Variants in SCAF11 observed in about 807,000 individuals in gnomAD.
SCAF11 encodes SR-related CTD associated factor 11.
In SCAF11, 47 loss-of-function variants were observed where a neutral mutation model predicts 140.5. The ratio of observed to expected loss-of-function variants is 0.33; its 90% CI spans 0.26 to 0.43. The LOEUF (loss-of-function observed/expected upper bound fraction) is 0.43, where lower values mean the gene tolerates loss of function less well. SCAF11 is among the 20% of genes least tolerant of loss of function. SCAF11 has a pLI of 1.00. For synonymous variants in SCAF11, 557 were observed against 579.4 expected (o/e 0.96, Z 0.55); for missense variants, 1,645 against 1,705.1 (o/e 0.96, Z 0.62).
chr12:45,937,862 G>C (rs530964032), intron 6 of SCAF11, among the ~76,000 whole-genome samples: 1 of 152,172 alleles, frequency 6.6e-6, no homozygotes, highest in African/African-American at 2.4e-5. Context: ...TAAATCTCCA[G>C]TCTTTCATTG....
chr12:45,962,038 A>C (rs1555170251), intron 2 of SCAF11, among the ~76,000 whole-genome samples, 181 bp from the exon 3 acceptor site: 1 of 152,128 alleles, frequency 6.6e-6, no homozygotes, highest in Non-Finnish European at 1.5e-5. Context: ...ACTTTCTTAA[A>C]TTTTTTTAAC....
At chr12:45,964,788 TAG>T (rs1281874093) in intron 1 of SCAF11, among the ~76,000 whole-genome samples, 1 of 152,208 alleles carries the variant, frequency 6.6e-6, no homozygotes. Context: ...CAATTTGGAA[TAG>T]AGTTTTCAGA....
rs1592156817 is a variant in SCAF11 at position 45,919,687 on chromosome 12, T to C, written c.*2361A>G. 6.6e-6 allele frequency: 1 copy of C among 152,248 alleles called. No individual in the cohort carries two copies. The highest frequency in any genetic ancestry group is 1.9e-4 in the East Asian group (1 of 5,202). 9.4% of individuals were successfully genotyped at this position (152,248 alleles called of 1,614,324 possible). A position where few individuals can be genotyped will look rare whatever the true frequency, so the allele number is the denominator to read the frequency against. On this transcript the variant is annotated 3_prime_UTR_variant, in exon 15 of 15. Transcript: ENST00000369367. ...TTCAAAATTTTAAAAGTTCGAATTC[T>C]AATCAAGTAGCTATTAATGCAGTCT...
At chr12:45,947,184 C>A (rs1429857502) in intron 5 of SCAF11, among the ~76,000 whole-genome samples, 1 of 152,150 alleles carries the variant, frequency 6.6e-6, no homozygotes, top group Non-Finnish European at 1.5e-5. Flanking sequence ...CTTAAAAATT[C>A]AACTCTTGGA....
chr12:45,945,999 G>T (rs1945414885), intron 5 of SCAF11, among the ~76,000 whole-genome samples: 1 of 152,032 alleles, frequency 6.6e-6, no homozygotes, highest in African/African-American at 2.4e-5. Context: ...CTTCATCTCA[G>T]TCTTTAAACA....
chr12:45,970,894 C>T (rs537565078), intron 1 of SCAF11, among the ~76,000 whole-genome samples: 3 of 152,294 alleles, frequency 2.0e-5, no homozygotes, highest in Non-Finnish European at 4.4e-5. Context: ...AGTGTGGAAG[C>T]GAGTGCCAAA....
In SCAF11 at chr12:45,928,166, G is replaced by T; in HGVS notation, c.1535C>A (p.Ser512Tyr). 1.9e-6 allele frequency: 3 copies of T among 1,613,914 alleles called. No homozygotes were observed. Among genetic ancestry groups the T allele is most frequent in the Non-Finnish European group, 2.5e-6 (3 of 1,179,994 alleles). The change falls in exon 11 of 15, where the codon TCT becomes TAT. Residue 512 changes from serine (S) to tyrosine (Y), a missense_variant. This residue lies in a region of SCAF11 where 1,582 missense variants were observed against 1,609.2 expected (regional missense o/e 0.98). Coordinates refer to ENST00000369367, the MANE Select transcript of SCAF11 (RefSeq NM_004719.3). ...ANVLCLESEI[S>Y]ENILEKGGDP... The stretch of plus-strand genomic sequence containing the variant: ...ACCTCCTTTTTCAAGAATATTTTCA[G>T]AAATCTCACTTTCCAAACACAAAAC...
intron 14 of SCAF11, 57 bp downstream of exon 14, chr12:45,922,406 T>C (rs1328640189): frequency 1.3e-5 from 20 of 1,567,348 alleles, no homozygotes; most frequent in Non-Finnish European, 1.7e-5. Flanking sequence ...CATTCATTTA[T>C]TAAAACAGAG....
Position 45,934,341 on chromosome 12 carries a change from G to A in SCAF11, c.523-56C>T, listed in dbSNP as rs372968920. The A allele has an allele frequency of 3.9e-3, 5,351 of 1,369,898 alleles. 226 individuals are homozygous for A. The South Asian group carries it at 0.063, about 16-fold the overall frequency. The allele number at this position is 1,369,898 out of a possible 1,614,324, so 84.9% of individuals were successfully genotyped here. On this transcript the variant is annotated intron_variant, in intron 7 of 14. Coordinates refer to ENST00000369367, the MANE Select transcript of SCAF11 (RefSeq NM_004719.3). ...GCAAATAAATAACAGGTAAATAATA[G>A]TTATACTTAAATATTTTGATACACC...
chr12:45,949,860 G>A (rs901797213), intron 4 of SCAF11, among the ~76,000 whole-genome samples: 14 of 152,242 alleles, frequency 9.2e-5, no homozygotes, highest in African/African-American at 2.6e-4. Flanking sequence ...CCAAATATAC[G>A]TAGTACTTAA....
chr12:45,987,871 G>C (rs1410414934), intron 1 of SCAF11, among the ~76,000 whole-genome samples: 2 of 152,270 alleles, frequency 1.3e-5, no homozygotes, highest in Admixed American at 1.3e-4. Flanking sequence ...TTTTTAGGAA[G>C]ATATTTTTGA....
intron 6 of SCAF11, among the ~76,000 whole-genome samples, chr12:45,936,135 G>A (rs2136534014): frequency 6.6e-6 from 1 of 151,036 alleles, no homozygotes; most frequent in South Asian, 2.1e-4. Context: ...TACTCTATGT[G>A]TGGTTTTTTT....
chr12:45,972,935 T>TATATAG (rs1255905112), intron 1 of SCAF11, among the ~76,000 whole-genome samples: 3 of 53,274 alleles, frequency 5.6e-5, no homozygotes, highest in African/African-American at 9.2e-5. Flanking sequence ...TATAGATATA[T>TATATAG]ATAGATATAT....
intron 11 of SCAF11, 31 bp from the exon 12 acceptor site, chr12:45,925,105 A>G: frequency 6.5e-7 from 1 of 1,540,568 alleles, no homozygotes. Flanking sequence ...TGTGAAAAAA[A>G]TCATGTTATA....
chr12:45,923,556 G>C (rs1170092103), intron 12 of SCAF11, among the ~76,000 whole-genome samples: 1 of 151,998 alleles, frequency 6.6e-6, no homozygotes, highest in Admixed American at 6.6e-5. Context: ...AAGTTGACAG[G>C]AGAAAAAAGG....
chr12:45,920,973 G>A lies in SCAF11; in HGVS notation c.*1075C>T, dbSNP rs1944694479. The A allele has an allele frequency of 6.6e-6, 1 of 151,936 alleles. No individual in the cohort carries two copies. The highest frequency in any genetic ancestry group is 1.5e-5 in the Non-Finnish European group (1 of 67,916). 9.4% of individuals were successfully genotyped at this position (151,936 alleles called of 1,614,324 possible). A position where few individuals can be genotyped will look rare whatever the true frequency, so the allele number is the denominator to read the frequency against. On this transcript the variant is annotated 3_prime_UTR_variant, in exon 15 of 15. Coordinates refer to ENST00000369367, the MANE Select transcript of SCAF11 (RefSeq NM_004719.3). ...TATGAAAGAACATAATTTCTACAAAGTCAACACTTTTTTTTTTCTTTTTTT... is the reference window on the plus strand; with the variant it reads ...TATGAAAGAACATAATTTCTACAAAATCAACACTTTTTTTTTTCTTTTTTT...
At chr12:45,954,569 C>CTTTTT (rs36060348) in intron 3 of SCAF11, among the ~76,000 whole-genome samples, 2 of 129,152 alleles carry the variant, frequency 1.5e-5, no homozygotes. Context: ...TAAGCTGTTA[C>CTTTTT]TTTTTTTTTT....
chr12:45,991,765 T>C, upstream of SCAF11: 2 of 629,344 alleles, frequency 3.2e-6, no homozygotes, highest in Non-Finnish European at 4.3e-6. Context: ...AAGCTTCCGG[T>C]TGCTCTGCCT....
At chr12:45,943,594 T>C (rs1049428563) in intron 6 of SCAF11, among the ~76,000 whole-genome samples, 2 of 152,172 alleles carry the variant, frequency 1.3e-5, no homozygotes, top group African/African-American at 4.8e-5. Context: ...GTACTATCTG[T>C]AGTTTCAGGC....
Sources: allele counts gnomAD v4.1 joint callset (sites outside exome capture counted in the v4.1 genomes callset), GRCh38; gene constraint gnomAD v4.1.1; regional missense constraint gnomAD v4.1.1; transcripts MANE v1.5; gene names NCBI Gene and HGNC (gene_info 2026-07-23, HGNC 2026-07-21).